The following CNTNAP4 variants were observed in gnomAD, a reference collection of about 807,000 sequenced individuals.
The protein encoded by CNTNAP4 is contactin-associated protein-like 4.
Under a neutral mutation model 148.4 loss-of-function variants are expected in CNTNAP4, and 98 were observed. The observed-to-expected ratio is 0.66, with a 90% CI of 0.56 to 0.78. The LOEUF is 0.78. Ranked by LOEUF, CNTNAP4 falls within the 30% of genes least tolerant of loss-of-function variation. The pLI, the probability that CNTNAP4 is intolerant of heterozygous loss-of-function variation, is 0.00. For missense variants in CNTNAP4, 1,935 were observed against 1,565.6 expected (o/e 1.24, Z -3.98); for synonymous variants, 730 against 565.1 (o/e 1.29, Z -4.14).
intron 3 of CNTNAP4, among the ~76,000 whole-genome samples, chr16:76,366,435 C>A (rs1267775675): frequency 6.6e-6 from 1 of 152,160 alleles, no homozygotes; most frequent in South Asian, 2.1e-4. Flanking sequence ...CCTCCAGTTC[C>A]ATCCATGTTC....
chr16:76,369,666 A>C (rs535203979), intron 3 of CNTNAP4, among the ~76,000 whole-genome samples: 1 of 152,218 alleles, frequency 6.6e-6, no homozygotes, highest in South Asian at 2.1e-4. Flanking sequence ...ACATAGTGAA[A>C]CTCCATCTCT....
At chr16:76,389,115 A>G (rs956047600) in intron 3 of CNTNAP4, among the ~76,000 whole-genome samples, 2 of 152,238 alleles carry the variant, frequency 1.3e-5, no homozygotes, top group African/African-American at 4.8e-5. Context: ...ACTGTAGGAA[A>G]TAAGGAAAAT....
chr16:76,481,365 T>C (rs1337892220), intron 12 of CNTNAP4, among the ~76,000 whole-genome samples: 2 of 152,204 alleles, frequency 1.3e-5, no homozygotes, highest in Admixed American at 6.5e-5. Flanking sequence ...TAAACTTAAA[T>C]TTAAAAATTT....
At chr16:76,475,854 T>A in intron 10 of CNTNAP4, 85 bp from the exon 11 acceptor site, 1 of 856,912 alleles carries the variant, frequency 1.2e-6, no homozygotes, top group Non-Finnish European at 1.9e-6. Context: ...TTGACATCTG[T>A]CTTTCTCATG....
chr16:76,510,744 C>G (rs1004168292), intron 15 of CNTNAP4, among the ~76,000 whole-genome samples: 1 of 152,092 alleles, frequency 6.6e-6, no homozygotes, highest in African/African-American at 2.4e-5. Context: ...CTCTTGTATG[C>G]TTTATTTTCA....
At chr16:76,555,417 A>G (rs2085155385) in intron 23 of CNTNAP4, among the ~76,000 whole-genome samples, 1 of 152,200 alleles carries the variant, frequency 6.6e-6, no homozygotes, top group Non-Finnish European at 1.5e-5. Flanking sequence ...TGTCTAAAAG[A>G]AACACGTTAT....
rs370031701 is a variant in CNTNAP4 at position 76,316,671 on chromosome 16, C to T, written c.196+148C>T. 2.9e-5 allele frequency: 18 copies of T among 625,966 alleles called. No individual in the cohort carries two copies. The African/African-American group carries it at 3.1e-4, about 11-fold the overall frequency. The allele number at this position is 625,966 out of a possible 1,614,324, so 38.8% of individuals were successfully genotyped here. On this transcript the variant is annotated intron_variant, in intron 2 of 23. Transcript: ENST00000611870. ...GTTAAAACTCATGAGATGTATATGA[C>T]ATCTAGCTTCTGTTCTGGAATGTGA...
chr16:76,492,977 T>C (rs1258281988), intron 13 of CNTNAP4, among the ~76,000 whole-genome samples: 2 of 151,418 alleles, frequency 1.3e-5, no homozygotes, highest in Non-Finnish European at 2.9e-5. Flanking sequence ...GCTTCCCTGG[T>C]CTTTCAGGCT....
At chr16:76,333,020 A>G (rs1252474489) in intron 2 of CNTNAP4, among the ~76,000 whole-genome samples, 1 of 152,208 alleles carries the variant, frequency 6.6e-6, no homozygotes, top group Admixed American at 6.5e-5. Flanking sequence ...TTACACATGT[A>G]TTCACTTTAC....
chr16:76,550,523 G>A (rs1176356700), intron 21 of CNTNAP4, among the ~76,000 whole-genome samples: 1 of 152,066 alleles, frequency 6.6e-6, no homozygotes, highest in Admixed American at 6.5e-5. Context: ...GTGGGGTGGG[G>A]CTGAAAAGGG....
rs140063759 is a variant in CNTNAP4 at position 76,384,509 on chromosome 16, T to G, written c.390+28998T>G. The stretch of plus-strand genomic sequence containing the variant: ...ACACCCAAGCGAGGATTCAGCCAGC[T>G]CTGATAAAGTGCCATGTAGCTTTGG... On this transcript the variant is annotated intron_variant, in intron 3 of 23. Coordinates refer to ENST00000611870, the MANE Select transcript of CNTNAP4 (RefSeq NM_033401.5). 8.8e-3 allele frequency among the ~76,000 whole-genome samples: 1,336 copies of G among 152,254 alleles called. 24 individuals carry two copies. The highest frequency in any genetic ancestry group is 0.03 in the African/African-American group (1,266 of 41,540).
At chr16:76,390,523 G>A (rs17679298) in intron 3 of CNTNAP4, among the ~76,000 whole-genome samples, 1 of 150,394 alleles carries the variant, frequency 6.6e-6, no homozygotes, top group South Asian at 2.1e-4. Flanking sequence ...CAGGGAATCT[G>A]TTCATGAACT....
intron 4 of CNTNAP4, 115 bp from the exon 5 acceptor site, chr16:76,447,897 T>C: frequency 2.9e-6 from 2 of 684,546 alleles, no homozygotes; most frequent in Non-Finnish European, 2.5e-6. Context: ...GGAGCATCTG[T>C]ATATGCATGT....
chr16:76,294,239 T>C (rs1959185566), intron 1 of CNTNAP4, among the ~76,000 whole-genome samples: 1 of 152,164 alleles, frequency 6.6e-6, no homozygotes, highest in Non-Finnish European at 1.5e-5. Flanking sequence ...AAAGTAACTC[T>C]AACAAAGAGC....
intron 21 of CNTNAP4, among the ~76,000 whole-genome samples, chr16:76,549,129 T>A (rs1315994772): frequency 6.6e-6 from 1 of 151,984 alleles, no homozygotes; most frequent in East Asian, 1.9e-4. Context: ...CCTTCTGGGT[T>A]GGAAGGAAGT....
rs140644726 is a variant in CNTNAP4 at position 76,459,163 on chromosome 16, G to T, written c.1334-2793G>T. On this transcript the variant is annotated intron_variant, in intron 8 of 23. Transcript: ENST00000611870. The stretch of plus-strand genomic sequence containing the variant: ...GATGTCGGAGAAATGCCAGGGGCAG[G>T]TGGGTAGAATATACACGTGACACAG... Among the ~76,000 whole-genome samples the T allele has an allele frequency of 8.5e-3, 1,300 of 152,284 alleles. 20 individuals carry two copies. Among genetic ancestry groups the T allele is most frequent in the African/African-American group, 0.03 (1,263 of 41,556 alleles).
In CNTNAP4 at chr16:76,431,681, A is replaced by G. The variant is rs191530887; in HGVS notation, c.538+4082A>G. Among the ~76,000 whole-genome samples the G allele has an allele frequency of 2.0e-5, 3 of 152,058 alleles. No individual in the cohort carries two copies. The South Asian group carries it at 6.2e-4, about 32-fold the overall frequency. ...GCAGCAGAGTGAGACTCTGTCTCAA[A>G]AGTAAAGGGGGAGGTAAGCAGATTC... On this transcript the variant is annotated intron_variant, in intron 4 of 23. Transcript: ENST00000611870.
Position 76,488,457 on chromosome 16 carries a change from T to TCACAGAATTTAGCCTGCCTCTCTAATC in CNTNAP4, c.1883-1227_1883-1226insCAGAATTTAGCCTGCCTCTCTAATCCA, listed in dbSNP as rs1323949785. On this transcript the variant is annotated intron_variant, in intron 12 of 23. Coordinates refer to ENST00000611870, the MANE Select transcript of CNTNAP4 (RefSeq NM_033401.5). ...ATAATTCTGTGAAGTTGGTCCAGCCTCATTTAGCCTGCCTCTCTAATCCAA... is the reference window on the plus strand; with the variant it reads ...ATAATTCTGTGAAGTTGGTCCAGCCTCACAGAATTTAGCCTGCCTCTCTAATCCATTTAGCCTGCCTCTCTAATCCAA... 1.9e-4 allele frequency among the ~76,000 whole-genome samples: 29 copies of TCACAGAATTTAGCCTGCCTCTCTAATC among 152,310 alleles called. No individual in the cohort carries two copies. In the East Asian group the frequency reaches 5.6e-3, roughly 29 times the overall value.
At chr16:76,387,609 C>G (rs577778008) in intron 3 of CNTNAP4, among the ~76,000 whole-genome samples, 2 of 152,106 alleles carry the variant, frequency 1.3e-5, no homozygotes, top group African/African-American at 4.8e-5. Context: ...TTACAGTACT[C>G]CAAAAAAGCA....
Sources: allele counts gnomAD v4.1 joint callset (sites outside exome capture counted in the v4.1 genomes callset), GRCh38; gene constraint gnomAD v4.1.1; transcripts MANE v1.5; gene names NCBI Gene and HGNC (gene_info 2026-07-23, HGNC 2026-07-21).